AFG2A: variants seen among roughly 807,000 people sequenced by gnomAD.
The protein encoded by AFG2A is AAA ATPase AFG2A, also known as ATPase family gene 2 protein homolog A.
the AFG2A span, among the ~76,000 whole-genome samples, chr4:123,215,086 CAAAAT>C: frequency 1.3e-5 from 2 of 152,008 alleles, no homozygotes; most frequent in Non-Finnish European, 2.9e-5. Flanking sequence ...TTTGAAGACT[CAAAAT>C]AATATCATGT....
chr4:122,988,781 G>A, the AFG2A span, among the ~76,000 whole-genome samples: 6 of 152,030 alleles, frequency 3.9e-5, no homozygotes, highest in Non-Finnish European at 5.9e-5. Context: ...TTAATGTTGC[G>A]TTCTAAGTCC....
chr4:123,039,292 A>T, the AFG2A span, among the ~76,000 whole-genome samples: 1 of 152,124 alleles, frequency 6.6e-6, no homozygotes, highest in Non-Finnish European at 1.5e-5. Flanking sequence ...TAAGAACAAC[A>T]GCAATAATGT....
At chr4:122,940,920 T>G in the AFG2A span, among the ~76,000 whole-genome samples, 1 of 150,790 alleles carries the variant, frequency 6.6e-6, no homozygotes, top group Non-Finnish European at 1.5e-5. Context: ...TTTTGTCAGG[T>G]TTGTCCAAAG....
At chr4:122,924,629 C>T in the AFG2A span, among the ~76,000 whole-genome samples, 2 of 151,680 alleles carry the variant, frequency 1.3e-5, no homozygotes, top group African/African-American at 2.4e-5. Flanking sequence ...CCTTTTTTTT[C>T]CTCTCAATAA....
chr4:123,032,171 G>A, the AFG2A span, among the ~76,000 whole-genome samples: 188 of 152,264 alleles, frequency 1.2e-3, no homozygotes, highest in Non-Finnish European at 2.2e-3. Context: ...AATGAGCTTA[G>A]TATATCCTTG....
At chr4:122,931,990 G>A in the AFG2A span, among the ~76,000 whole-genome samples, 1 of 152,298 alleles carries the variant, frequency 6.6e-6, no homozygotes, top group South Asian at 2.1e-4. Context: ...TTGGAAGCCA[G>A]ACGCAGTGGC....
chr4:123,299,119 G>GTA, the AFG2A span, among the ~76,000 whole-genome samples: 1 of 124,066 alleles, frequency 8.1e-6, no homozygotes, highest in South Asian at 2.2e-4. Flanking sequence ...ATCTGCCAAT[G>GTA]TGTGTGTGTG....
chr4:122,944,366 C>T, the AFG2A span, among the ~76,000 whole-genome samples: 3 of 152,224 alleles, frequency 2.0e-5, no homozygotes, highest in African/African-American at 7.2e-5. Flanking sequence ...AACTTCCCTT[C>T]TTGCTTCATT....
At chr4:122,947,428 C>G in the AFG2A span, 1 of 1,614,078 alleles carries the variant, frequency 6.2e-7, no homozygotes. Flanking sequence ...GCTGCTGCAG[C>G]TGGCAAATAG....
the AFG2A span, among the ~76,000 whole-genome samples, chr4:123,156,013 A>G: frequency 7.2e-5 from 11 of 152,212 alleles, 1 homozygote; most frequent in African/African-American, 2.7e-4. Context: ...TACAGGAAGC[A>G]TGGCAGCTTC....
chr4:122,944,405 C>G, the AFG2A span, among the ~76,000 whole-genome samples: 1 of 152,180 alleles, frequency 6.6e-6, no homozygotes, highest in Admixed American at 6.5e-5. Context: ...ATCACTGATA[C>G]CCTTTCTTCC....
At chr4:123,202,187 T>C in the AFG2A span, among the ~76,000 whole-genome samples, 2 of 152,192 alleles carry the variant, frequency 1.3e-5, no homozygotes, top group African/African-American at 4.8e-5. Context: ...CAGAATTCTA[T>C]ATCACACATT....
the AFG2A span, among the ~76,000 whole-genome samples, chr4:123,053,254 C>A: frequency 3.2e-4 from 48 of 152,240 alleles, no homozygotes; most frequent in Non-Finnish European, 5.7e-4. Flanking sequence ...TGCCACAAAT[C>A]TCACAGGATC....
the AFG2A span, chr4:122,927,643 A>G: frequency 5.0e-6 from 8 of 1,606,846 alleles, no homozygotes; most frequent in South Asian, 4.5e-5. Flanking sequence ...GTAGATGACA[A>G]AATTCCTAAA....
chr4:122,929,088 C>G, the AFG2A span: 7 of 1,613,782 alleles, frequency 4.3e-6, no homozygotes, highest in Non-Finnish European at 5.9e-6. Flanking sequence ...CAAGGTCGGC[C>G]TGAGTGAAAT....
chr4:122,935,068 T>G, the AFG2A span, among the ~76,000 whole-genome samples: 1 of 152,158 alleles, frequency 6.6e-6, no homozygotes, highest in African/African-American at 2.4e-5. Context: ...ATACATTAGG[T>G]AAAACTTCTT....
the AFG2A span, among the ~76,000 whole-genome samples, chr4:122,966,110 A>G: frequency 6.6e-6 from 1 of 152,122 alleles, no homozygotes; most frequent in African/African-American, 2.4e-5. Flanking sequence ...TTAACATTTA[A>G]TTCATACAAA....
the AFG2A span, among the ~76,000 whole-genome samples, chr4:122,955,919 G>T: frequency 6.6e-6 from 1 of 152,192 alleles, no homozygotes; most frequent in Non-Finnish European, 1.5e-5. Flanking sequence ...GGATTACCTA[G>T]GGATCAAAAA....
the AFG2A span, among the ~76,000 whole-genome samples, chr4:123,044,770 A>ATT: frequency 2.3e-4 from 35 of 151,042 alleles, no homozygotes; most frequent in South Asian, 1.9e-3. Context: ...TGAGGATGTC[A>ATT]TTTTTTTTTT....
Sources: gnomAD v4.1 joint callset for allele counts (sites outside exome capture counted in the v4.1 genomes callset) on GRCh38, gnomAD v4.1.1 for gene constraint, MANE v1.5 for transcripts, NCBI Gene and HGNC (gene_info 2026-07-23, HGNC 2026-07-21) for gene names.